DMXL2: variants seen among roughly 807,000 people sequenced by gnomAD.
DMXL2 encodes the protein Dmx like 2.
Under a neutral mutation model 331.1 loss-of-function variants are expected in DMXL2, and 103 were observed. That is an observed-to-expected ratio of 0.31 (90% confidence interval 0.27 to 0.37). The LOEUF (loss-of-function observed/expected upper bound fraction) is 0.37, where lower values mean the gene tolerates loss of function less well. Among genes scored for constraint, DMXL2 ranks in the 10% least tolerant of loss-of-function variants. The pLI is 1.00. For missense variants in DMXL2, 3,171 were observed against 3,642.9 expected (o/e 0.87, Z 3.33); for synonymous variants, 1,281 against 1,252.1 (o/e 1.02, Z -0.49).
At chr15:51,526,799 T>C (rs2047700190) in intron 13 of DMXL2, among the ~76,000 whole-genome samples, 1 of 152,100 alleles carries the variant, frequency 6.6e-6, no homozygotes, top group South Asian at 2.1e-4. Context: ...GCAGAATTGA[T>C]GAAGCAGAAG....
At chr15:51,503,069 T>A in intron 16 of DMXL2, 36 bp from the exon 17 acceptor site, 1 of 1,326,286 alleles carries the variant, frequency 7.5e-7, no homozygotes, top group Non-Finnish European at 1.1e-6. Context: ...AAAATGTATG[T>A]ATATCATTAC....
chr15:51,470,677 C>A (rs74724470), intron 29 of DMXL2, among the ~76,000 whole-genome samples: 1,756 of 152,226 alleles, frequency 0.012, 26 homozygotes, highest in East Asian at 0.026. Context: ...GAATCATGAG[C>A]TCAAAAGAGC....
Position 51,464,656 on chromosome 15 carries a change from A to C in DMXL2, c.7808+19T>G, listed in dbSNP as rs1357627570. 2.5e-6 allele frequency: 4 copies of C among 1,603,458 alleles called. No individual in the cohort carries two copies. The Admixed American group carries it at 6.7e-5, about 27-fold the overall frequency. Reference sequence around the variant, plus strand: ...AAGTTAAGCTACGCTCTTTATCAGCATTATAAGAGCTTTCTTACTTGAATG... The same window carrying C: ...AAGTTAAGCTACGCTCTTTATCAGCCTTATAAGAGCTTTCTTACTTGAATG... On this transcript the variant is annotated intron_variant, in intron 32 of 43. Transcript: ENST00000560891.
intron 1 of DMXL2, chr15:51,603,794 G>C (rs2053392556): frequency 6.6e-6 from 1 of 152,108 alleles, no homozygotes; most frequent in East Asian, 1.9e-4. Context: ...CGCGAACCCG[G>C]GAGGCGGAGC....
Position 51,448,548 on chromosome 15 carries a change from T to TAACA in DMXL2, c.*432_*435dup, listed in dbSNP as rs10654455. On this transcript the variant is annotated 3_prime_UTR_variant, in exon 44 of 44. Coordinates refer to ENST00000560891, the MANE Select transcript of DMXL2 (RefSeq NM_001378457.1). ...AGTTTTCCAGGTGGTCTAGCGCTCC[T>TAACA]AACAAACACCTTATGATTATCCTTC... The TAACA allele has an allele frequency of 0.058, 12,341 of 213,780 alleles. 1,355 individuals are homozygous for TAACA. Among genetic ancestry groups the TAACA allele is most frequent in the African/African-American group, 0.25 (10,623 of 43,146 alleles). The allele number at this position is 213,780 out of a possible 1,614,324, so 13.2% of individuals were successfully genotyped here.
rs374821835 is a variant in DMXL2, at chr15:51,499,047, G to A, written c.4177C>T (p.Arg1393Ter). 1 of 1,613,800 alleles carries A rather than the reference G, an allele frequency of 6.2e-7. No homozygotes were observed. Among genetic ancestry groups the A allele is most frequent in the Non-Finnish European group, 8.5e-7 (1 of 1,180,014 alleles). ...RDPDAGEGTK[R>*]HLSRTISVSG... ...ACACTAATAGTTCGAGAGAGATGTC[G>A]CTTAGTTCCTTCTCCAGCATCAGGA... is the stretch of plus-strand genomic sequence containing the variant. The change falls in exon 18 of 44, where the codon CGA (arginine) becomes TGA (stop). Residue 1393 changes from arginine to a stop codon, truncating the protein, a stop_gained. Coordinates refer to ENST00000560891, the MANE Select transcript of DMXL2 (RefSeq NM_001378457.1). LOFTEE classifies it high-confidence loss of function.
intron 31 of DMXL2, 80 bp downstream of exon 31, chr15:51,465,486 T>TTA: frequency 9.9e-7 from 1 of 1,012,792 alleles, no homozygotes; most frequent in Non-Finnish European, 1.5e-6. Flanking sequence ...CCAAATGACC[T>TTA]TATATATAGA....
chr15:51,555,394 A>C (rs909811365), intron 6 of DMXL2, among the ~76,000 whole-genome samples: 2 of 152,144 alleles, frequency 1.3e-5, no homozygotes, highest in African/African-American at 4.8e-5. Context: ...GAGATCAGGG[A>C]AGAGGTACAG....
chr15:51,501,944 A>T (rs1470170703), intron 17 of DMXL2, among the ~76,000 whole-genome samples: 1 of 138,852 alleles, frequency 7.2e-6, no homozygotes, highest in South Asian at 2.3e-4. Context: ...AAATTTCATT[A>T]TTTTGGCCGG....
At chr15:51,464,110 G>C (rs903085369) in intron 32 of DMXL2, among the ~76,000 whole-genome samples, 1 of 152,120 alleles carries the variant, frequency 6.6e-6, no homozygotes, top group African/African-American at 2.4e-5. Flanking sequence ...CTGACAATAA[G>C]AACATAAATA....
chr15:51,561,860 A>G (rs1277321301), intron 6 of DMXL2, among the ~76,000 whole-genome samples: 2 of 152,242 alleles, frequency 1.3e-5, no homozygotes, highest in Non-Finnish European at 2.9e-5. Context: ...TGTACAAAGG[A>G]CAAAATCCTA....
At chr15:51,459,820 C>A in intron 33 of DMXL2, 160 bp from the exon 34 acceptor site, 1 of 1,181,850 alleles carries the variant, frequency 8.5e-7, no homozygotes, top group Non-Finnish European at 1.1e-6. Flanking sequence ...AAACAGTCAT[C>A]AAATAAACAC....
Position 51,568,469 on chromosome 15 carries a change from T to C in DMXL2, c.285+18A>G. Reference sequence around the variant, plus strand: ...TTAACTAGATTCTAAAAGTATTCTATTATTGGTTAATACTTACACAATTTC... The same window carrying C: ...TTAACTAGATTCTAAAAGTATTCTACTATTGGTTAATACTTACACAATTTC... On this transcript the variant is annotated intron_variant, in intron 3 of 43. Transcript: ENST00000560891. The C allele has an allele frequency of 6.9e-7, 1 of 1,439,018 alleles. No homozygotes were observed. Among genetic ancestry groups the C allele is most frequent in the Non-Finnish European group, 9.5e-7 (1 of 1,054,316 alleles). The allele number at this position is 1,439,018 out of a possible 1,614,324, so 89.1% of individuals were successfully genotyped here. A position where few individuals can be genotyped will look rare whatever the true frequency, so the allele number is the denominator to read the frequency against.
Position 51,478,192 on chromosome 15 carries a change from G to A in DMXL2, c.6833+79C>T, listed in dbSNP as rs550641316. The A allele has an allele frequency of 2.3e-5, 27 of 1,185,314 alleles. No individual in the cohort carries two copies. In the African/African-American group the frequency reaches 3.9e-4, roughly 17 times the overall value. The allele number at this position is 1,185,314 out of a possible 1,614,324, so 73.4% of individuals were successfully genotyped here. ...TATTTAGGGATTTTTCAGTCCCTAG[G>A]AAATAGAAACTTAATATAACTCTGG... On this transcript the variant is annotated intron_variant, in intron 26 of 43. Coordinates refer to ENST00000560891, the MANE Select transcript of DMXL2 (RefSeq NM_001378457.1).
chr15:51,523,740 C>A (rs2047508745), intron 13 of DMXL2, among the ~76,000 whole-genome samples: 1 of 152,188 alleles, frequency 6.6e-6, no homozygotes, highest in Non-Finnish European at 1.5e-5. Flanking sequence ...AGGATCCTCC[C>A]CTTGAATATC....
chr15:51,618,240 C>T (rs1265069314), intron 1 of DMXL2, among the ~76,000 whole-genome samples: 1 of 152,050 alleles, frequency 6.6e-6, no homozygotes, highest in Non-Finnish European at 1.5e-5. Flanking sequence ...GTGTCTTTTA[C>T]TCTCGTATTA....
At chr15:51,594,137 T>C (rs547039165) in intron 1 of DMXL2, among the ~76,000 whole-genome samples, 1 of 152,260 alleles carries the variant, frequency 6.6e-6, no homozygotes, top group Admixed American at 6.5e-5. Flanking sequence ...AGCTGGTTTT[T>C]TGAAAAGATC....
chr15:51,536,790 T>C lies in DMXL2; in HGVS notation c.1690A>G (p.Met564Val), dbSNP rs1302829918. ...TTTGTCGCATTTATACAGGCATACA[T>C]CATGATATTTTTACTAAGAGAGCTT... is the stretch of plus-strand genomic sequence containing the variant. ...DASSLSKNIMMYACINATKDS... is the reference protein window; with the variant it reads ...DASSLSKNIMVYACINATKDS... Residue 564 changes from methionine (M) to valine (V), a missense_variant, in exon 12 of 44, where the codon ATG (methionine) becomes GTG (valine). Physicochemically the swap from Met to Val is conservative, Grantham distance 21. Around this residue, in one of 7 missense-constraint regions of DMXL2, gnomAD observed 1,674 missense variants for 1,780.2 expected, o/e 0.94. Coordinates refer to ENST00000560891, the MANE Select transcript of DMXL2 (RefSeq NM_001378457.1). 3 of 1,613,786 alleles carry C rather than the reference T, an allele frequency of 1.9e-6. No individual in the cohort carries two copies. Among genetic ancestry groups the C allele is most frequent in the Non-Finnish European group, 2.5e-6 (3 of 1,179,932 alleles).
intron 4 of DMXL2, 26 bp from the exon 5 acceptor site, chr15:51,564,286 A>T: frequency 6.6e-7 from 1 of 1,509,962 alleles, no homozygotes; most frequent in South Asian, 1.3e-5. Context: ...TGTTATGATG[A>T]ATATGCAAAT....
Sources: gnomAD v4.1 joint callset for allele counts (sites outside exome capture counted in the v4.1 genomes callset) on GRCh38, gnomAD v4.1.1 for gene constraint, gnomAD v4.1.1 regional missense constraint, MANE v1.5 for transcripts, NCBI Gene and HGNC (gene_info 2026-07-23, HGNC 2026-07-21) for gene names.